Variants in FAM216A observed in about 807,000 individuals in gnomAD.
The protein encoded by FAM216A is family with sequence similarity 216 member A, also known as protein FAM216A.
Under a neutral mutation model 37.6 loss-of-function variants are expected in FAM216A, and 26 were observed. That is an observed-to-expected ratio of 0.69 (90% CI 0.51 to 0.96). The LOEUF (loss-of-function observed/expected upper bound fraction) is 0.96, where lower values mean the gene tolerates loss of function less well. FAM216A is among the 40% of genes least tolerant of loss of function. FAM216A has a pLI of 0.00. For synonymous variants in FAM216A, 110 were observed against 121.7 expected, an observed-to-expected ratio of 0.90 and a Z score of 0.64; for missense variants, 326 against 339.3, an observed-to-expected ratio of 0.96 and a Z score of 0.31.
At chr12:110,482,230 C>T (rs952142425) in intron 2 of FAM216A, among the ~76,000 whole-genome samples, 2 of 151,866 alleles carry the variant, frequency 1.3e-5, no homozygotes, top group Admixed American at 6.6e-5. Context: ...TACAGGTGTA[C>T]GCCACCACAC....
upstream of FAM216A, chr12:110,468,547 G>T: frequency 6.5e-7 from 1 of 1,537,310 alleles, no homozygotes; most frequent in South Asian, 1.2e-5. Context: ...GCGTGCAGAC[G>T]TTTGACCTGT....
rs984958500 is a variant in FAM216A, at chr12:110,486,822, TAC to T, written c.620+107_620+108del. The T allele has an allele frequency of 2.9e-5, 29 of 1,010,874 alleles. No individual in the cohort carries two copies. In the African/African-American group the frequency reaches 3.1e-4, roughly 11 times the overall value. 62.6% of individuals were successfully genotyped at this position (1,010,874 alleles called of 1,614,324 possible). A position where few individuals can be genotyped will look rare whatever the true frequency, so the allele number is the denominator to read the frequency against. ...CCCAGGCTGGAGTGTAGTGGTGTGA[TAC>T]AGTTTACTGTATTCTCAAACTCCTG... On this transcript the variant is annotated intron_variant, in intron 5 of 6. Transcript: ENST00000377673.
chr12:110,485,474 C>A (rs1051345045), intron 3 of FAM216A, among the ~76,000 whole-genome samples: 1 of 151,934 alleles, frequency 6.6e-6, no homozygotes, highest in Non-Finnish European at 1.5e-5. Flanking sequence ...CACAGAGATG[C>A]TCAAGAAAAG....
intron 3 of FAM216A, among the ~76,000 whole-genome samples, chr12:110,485,942 A>G (rs2062774425): frequency 6.6e-6 from 1 of 152,196 alleles, no homozygotes. Context: ...TCTTCAGTTG[A>G]GACTAAGTAG....
At chr12:110,480,765 A>T (rs2062742700) in intron 2 of FAM216A, among the ~76,000 whole-genome samples, 1 of 151,100 alleles carries the variant, frequency 6.6e-6, no homozygotes, top group African/African-American at 2.4e-5. Flanking sequence ...AGGTGGGTGC[A>T]GTGGCTCGTG....
chr12:110,482,323 C>G (rs1473983013), intron 2 of FAM216A, among the ~76,000 whole-genome samples: 1 of 151,938 alleles, frequency 6.6e-6, no homozygotes, highest in Non-Finnish European at 1.5e-5. Flanking sequence ...AGTGATCTGC[C>G]CGCCTCAGCC....
intron 3 of FAM216A, among the ~76,000 whole-genome samples, chr12:110,485,572 T>C (rs1338059065): frequency 2.6e-5 from 4 of 151,752 alleles, no homozygotes; most frequent in African/African-American, 9.7e-5. Flanking sequence ...GTAAAGAAAA[T>C]GGCAGTAATT....
At chr12:110,477,621 G>A (rs1256590370) in intron 2 of FAM216A, among the ~76,000 whole-genome samples, 1 of 152,108 alleles carries the variant, frequency 6.6e-6, no homozygotes, top group Non-Finnish European at 1.5e-5. Context: ...CTCCCAAAGT[G>A]CTGGGATTAC....
At chr12:110,476,454 C>T (rs956049121) in intron 2 of FAM216A, among the ~76,000 whole-genome samples, 7 of 152,014 alleles carry the variant, frequency 4.6e-5, no homozygotes, top group South Asian at 4.1e-4. Flanking sequence ...GTGATCTACC[C>T]GCCTCGGCCT....
intron 2 of FAM216A, among the ~76,000 whole-genome samples, chr12:110,481,658 C>T (rs1175861147): frequency 1.3e-5 from 2 of 152,054 alleles, no homozygotes; most frequent in Non-Finnish European, 2.9e-5. Flanking sequence ...AGCCACCATG[C>T]CCAGCCTATT....
intron 1 of FAM216A, among the ~76,000 whole-genome samples, chr12:110,471,163 T>G (rs1180605920): frequency 6.6e-6 from 1 of 151,830 alleles, no homozygotes; most frequent in Non-Finnish European, 1.5e-5. Context: ...GGTGTGATCT[T>G]GGCTCACTGC....
chr12:110,469,167 G>A, intron 1 of FAM216A, 149 bp downstream of exon 1: 1 of 954,848 alleles, frequency 1.0e-6, no homozygotes. Flanking sequence ...GCGGGGAGCA[G>A]TTTTGTTGTG....
At chr12:110,473,703 G>A (rs1338728972) in intron 2 of FAM216A, among the ~76,000 whole-genome samples, 2 of 152,174 alleles carry the variant, frequency 1.3e-5, no homozygotes, top group Non-Finnish European at 2.9e-5. Flanking sequence ...ACAGAGCACA[G>A]CCTGGGGTTT....
At chr12:110,486,949 C>G (rs2062780879) in intron 5 of FAM216A, 1 of 471,034 alleles carries the variant, frequency 2.1e-6, no homozygotes, top group Non-Finnish European at 3.8e-6. Context: ...GTACAGAAAG[C>G]ATCTCACTAT....
At chr12:110,484,944 C>T in intron 2 of FAM216A, 134 bp from the exon 3 acceptor site, 10 of 725,906 alleles carry the variant, frequency 1.4e-5, no homozygotes, top group South Asian at 1.1e-4. Flanking sequence ...TCGTGATCCA[C>T]CCACCTCGGC....
At chr12:110,472,499 C>A (rs907760852) in intron 1 of FAM216A, among the ~76,000 whole-genome samples, 1 of 151,686 alleles carries the variant, frequency 6.6e-6, no homozygotes, top group Admixed American at 6.6e-5. Flanking sequence ...TTTGAGGCTG[C>A]GGTGGGCTAT....
intron 2 of FAM216A, among the ~76,000 whole-genome samples, chr12:110,476,029 C>T (rs1209491575): frequency 2.0e-5 from 3 of 152,032 alleles, no homozygotes; most frequent in East Asian, 1.9e-4. Flanking sequence ...TGAGCCACCA[C>T]GCCTGGCCTA....
intron 6 of FAM216A, among the ~76,000 whole-genome samples, chr12:110,488,283 C>T (rs572649877): frequency 3.4e-4 from 51 of 151,730 alleles, no homozygotes; most frequent in Non-Finnish European, 7.1e-4. Context: ...TGATGGCAGG[C>T]GCCTGTAATC....
At chr12:110,482,895 G>C (rs2062755697) in intron 2 of FAM216A, among the ~76,000 whole-genome samples, 1 of 151,758 alleles carries the variant, frequency 6.6e-6, no homozygotes, top group Admixed American at 6.6e-5. Context: ...TGAAAAACCA[G>C]ACAAAAAATG....
Sources: allele counts gnomAD v4.1 joint callset (sites outside exome capture counted in the v4.1 genomes callset), GRCh38; gene constraint gnomAD v4.1.1; transcripts MANE v1.5; gene names NCBI Gene and HGNC (gene_info 2026-07-23, HGNC 2026-07-21).